THSD4: variants seen among roughly 807,000 people sequenced by gnomAD.
THSD4 encodes the protein thrombospondin type 1 domain containing 4.
Under a neutral mutation model 119.0 loss-of-function variants are expected in THSD4, and 69 were observed. The ratio of observed to expected loss-of-function variants is 0.58; its 90% CI spans 0.48 to 0.71. The LOEUF is 0.71. THSD4 is among the 30% of genes least tolerant of loss of function. The pLI, the probability that THSD4 is intolerant of heterozygous loss-of-function variation, is 0.00. For missense variants in THSD4, 1,393 were observed against 1,391.1 expected, an observed-to-expected ratio of 1.00 and a Z score of -0.02; for synonymous variants, 524 against 540.4, an observed-to-expected ratio of 0.97 and a Z score of 0.42.
At chr15:71,449,256 G>A (rs1047535412) in intron 7 of THSD4, among the ~76,000 whole-genome samples, 2 of 152,124 alleles carry the variant, frequency 1.3e-5, no homozygotes, top group Non-Finnish European at 2.9e-5. Context: ...TGCTCTTGTC[G>A]ACATAAACAC....
At chr15:71,692,267 C>A (rs556405379) in intron 8 of THSD4, among the ~76,000 whole-genome samples, 1 of 152,300 alleles carries the variant, frequency 6.6e-6, no homozygotes, top group African/African-American at 2.4e-5. Context: ...AACTGAACTG[C>A]TGCTATGGGT....
intron 6 of THSD4, among the ~76,000 whole-genome samples, chr15:71,282,679 T>TGTG (rs373374114): frequency 0.019 from 2,878 of 152,274 alleles, 102 homozygotes; most frequent in African/African-American, 0.066. Context: ...TAGTGACTTC[T>TGTG]GCTAGGATTC....
intron 6 of THSD4, among the ~76,000 whole-genome samples, chr15:71,388,950 A>G (rs747953285): frequency 6.6e-6 from 1 of 152,076 alleles, no homozygotes; most frequent in Non-Finnish European, 1.5e-5. Context: ...ATGGTAGTGA[A>G]TAAGTCTCAT....
intron 3 of THSD4, among the ~76,000 whole-genome samples, chr15:71,180,208 G>A (rs1306937754): frequency 6.8e-6 from 1 of 147,862 alleles, no homozygotes; most frequent in Non-Finnish European, 1.5e-5. Flanking sequence ...GAGTATAAAG[G>A]CAACCCACAG....
chr15:71,326,315 T>G (rs1272966333), intron 6 of THSD4, among the ~76,000 whole-genome samples: 1 of 152,030 alleles, frequency 6.6e-6, no homozygotes, highest in African/African-American at 2.4e-5. Context: ...ACCAGAGTGT[T>G]GCTGGTCCAG....
chr15:71,561,184 C>T (rs1567037162), intron 7 of THSD4, among the ~76,000 whole-genome samples: 1 of 151,982 alleles, frequency 6.6e-6, no homozygotes, highest in Non-Finnish European at 1.5e-5. Flanking sequence ...CCGTGTTAGC[C>T]AGGATGGTCT....
chr15:71,591,327 T>C (rs2049799443), intron 7 of THSD4, among the ~76,000 whole-genome samples: 1 of 152,240 alleles, frequency 6.6e-6, no homozygotes, highest in Non-Finnish European at 1.5e-5. Context: ...CTGTTGTGCC[T>C]ACCTTTGGTC....
At chr15:71,613,327 T>C (rs770799127) in intron 7 of THSD4, among the ~76,000 whole-genome samples, 1 of 152,208 alleles carries the variant, frequency 6.6e-6, no homozygotes, top group Non-Finnish European at 1.5e-5. Flanking sequence ...TTGGTATCAT[T>C]TAACATTTCC....
At chr15:71,709,241 GT>G (rs1363722871) in intron 8 of THSD4, among the ~76,000 whole-genome samples, 1 of 152,220 alleles carries the variant, frequency 6.6e-6, no homozygotes, top group Non-Finnish European at 1.5e-5. Context: ...GGATGTAAGG[GT>G]GAATTGCCTA....
At chr15:71,241,526 ATTTC>A (rs1286874742) in intron 4 of THSD4, among the ~76,000 whole-genome samples, 2 of 152,178 alleles carry the variant, frequency 1.3e-5, no homozygotes, top group East Asian at 3.9e-4. Context: ...TAATTTTTGT[ATTTC>A]TTCATCATTG....
intron 3 of THSD4, among the ~76,000 whole-genome samples, chr15:71,207,084 A>G (rs2043850057): frequency 6.6e-6 from 1 of 152,158 alleles, no homozygotes; most frequent in African/African-American, 2.4e-5. Context: ...TGTATTATTC[A>G]TGATTATGAT....
At chr15:71,723,072 G>GTTT (rs56241621) in intron 8 of THSD4, among the ~76,000 whole-genome samples, 50,655 of 148,376 alleles carry the variant, frequency 0.34, 9,144 homozygotes, top group African/African-American at 0.46. Context: ...ATTTAGGCTA[G>GTTT]TTTTTTTTTT....
chr15:71,757,780 A>T (rs1449250901), intron 14 of THSD4, 122 bp from the exon 15 acceptor site: 4 of 1,270,414 alleles, frequency 3.1e-6, no homozygotes, highest in Admixed American at 4.4e-5. Context: ...AAGCTGCCAG[A>T]TATTTCTAGG....
At chr15:71,680,713 C>T (rs142191152) in intron 8 of THSD4, among the ~76,000 whole-genome samples, 1 of 152,168 alleles carries the variant, frequency 6.6e-6, no homozygotes, top group Non-Finnish European at 1.5e-5. Context: ...TACTCTCAGC[C>T]ACGCAGCTTT....
intron 7 of THSD4, among the ~76,000 whole-genome samples, chr15:71,578,907 A>C (rs2049507285): frequency 1.4e-5 from 2 of 147,296 alleles, no homozygotes; most frequent in Admixed American, 6.9e-5. Context: ...GTAGTGGCAC[A>C]ATCTCGGCTC....
intron 6 of THSD4, among the ~76,000 whole-genome samples, chr15:71,262,010 A>G (rs2044405783): frequency 6.6e-6 from 1 of 152,104 alleles, no homozygotes; most frequent in Non-Finnish European, 1.5e-5. Context: ...GGAGGAAGAC[A>G]CTGCTAATGC....
intron 8 of THSD4, among the ~76,000 whole-genome samples, chr15:71,720,780 C>T (rs16953738): frequency 6.6e-6 from 1 of 152,336 alleles, no homozygotes; most frequent in East Asian, 1.9e-4. Context: ...TGGCATTGTA[C>T]TGGTGGCCAA....
Position 71,757,909 on chromosome 15 carries a change from C to G in THSD4, c.2423C>G (p.Ala808Gly), listed in dbSNP as rs558383358. 6.2e-7 allele frequency: 1 copy of G among 1,613,436 alleles called. No homozygotes were observed. Among genetic ancestry groups the G allele is most frequent in the Admixed American group, 1.7e-5 (1 of 60,018 alleles). Residue 808 changes from alanine (A) to glycine (G), a missense_variant, in exon 15 of 18, where the codon GCG becomes GGG. Physicochemically the swap from Ala to Gly is moderately conservative, Grantham distance 60. Transcript: ENST00000261862. ...CCTTCCCCTGTCTCACAGTGCTCAG[C>G]GGAGTGTGGGGCCGGAGTGCGGACA... ...FLTEWSERCS[A>G]ECGAGVRTRS...
At chr15:71,653,292 G>T (rs1389407921) in intron 7 of THSD4, among the ~76,000 whole-genome samples, 1 of 152,218 alleles carries the variant, frequency 6.6e-6, no homozygotes, top group African/African-American at 2.4e-5. Context: ...TAGCTTCTCT[G>T]ACATTTACAA....
Sources: gnomAD v4.1 joint callset for allele counts (sites outside exome capture counted in the v4.1 genomes callset) on GRCh38, gnomAD v4.1.1 for gene constraint, MANE v1.5 for transcripts, NCBI Gene and HGNC (gene_info 2026-07-23, HGNC 2026-07-21) for gene names.